The following OXR1 variants were observed in gnomAD, a reference collection of about 807,000 sequenced individuals.
OXR1 encodes oxidation resistance 1.
A neutral mutation model predicts 104.6 loss-of-function variants in OXR1; 41 were observed. The observed-to-expected ratio is 0.39, with a 90% CI of 0.31 to 0.51. OXR1 has a LOEUF of 0.51. Ranked by LOEUF, OXR1 falls within the 20% of genes least tolerant of loss-of-function variation. OXR1 has a pLI of 0.77. For missense variants in OXR1, 955 were observed against 1,031.9 expected, an observed-to-expected ratio of 0.93 and a Z score of 1.02; for synonymous variants, 348 against 348.4, an observed-to-expected ratio of 1.00 and a Z score of 0.01.
intron 16 of OXR1, among the ~76,000 whole-genome samples, chr8:106,750,324 C>T (rs1681906): frequency 0.43 from 59,674 of 138,088 alleles, 13,557 homozygotes; most frequent in Admixed American, 0.55. Flanking sequence ...CTTTTCTTTT[C>T]TTTTTTTTTT....
At chr8:106,728,969 A>G (rs1477373454) in intron 11 of OXR1, among the ~76,000 whole-genome samples, 1 of 152,162 alleles carries the variant, frequency 6.6e-6, no homozygotes, top group East Asian at 1.9e-4. Flanking sequence ...AAAAGTTTGT[A>G]TGTCGAATTG....
intron 3 of OXR1, among the ~76,000 whole-genome samples, chr8:106,534,649 A>G (rs1814346626): frequency 1.3e-5 from 2 of 152,214 alleles, no homozygotes; most frequent in African/African-American, 2.4e-5. Flanking sequence ...TCTATCAGTC[A>G]TTGGCTGTGT....
At chr8:106,612,035 G>C (rs2130802958) in intron 3 of OXR1, among the ~76,000 whole-genome samples, 1 of 152,080 alleles carries the variant, frequency 6.6e-6, no homozygotes, top group South Asian at 2.1e-4. Flanking sequence ...ATTTCCAAAA[G>C]GATAGCTTTG....
intron 2 of OXR1, among the ~76,000 whole-genome samples, chr8:106,476,712 G>C (rs1389878153): frequency 6.6e-6 from 1 of 151,936 alleles, no homozygotes; most frequent in Admixed American, 6.6e-5. Context: ...GTCAGCAGAA[G>C]CTGTTTCTCC....
chr8:106,533,976 G>A (rs1316752646), intron 3 of OXR1, among the ~76,000 whole-genome samples: 1 of 152,112 alleles, frequency 6.6e-6, no homozygotes, highest in Non-Finnish European at 1.5e-5. Flanking sequence ...GCCTCCCAAA[G>A]TGATAGGATT....
intron 2 of OXR1, among the ~76,000 whole-genome samples, chr8:106,405,811 T>A (rs768318422): frequency 2.6e-5 from 4 of 152,018 alleles, no homozygotes; most frequent in Admixed American, 6.6e-5. Context: ...ACCACCAAGA[T>A]GAGTTCAGCC....
At chr8:106,558,300 A>C (rs571864042) in intron 3 of OXR1, among the ~76,000 whole-genome samples, 1 of 152,338 alleles carries the variant, frequency 6.6e-6, no homozygotes, top group Admixed American at 6.5e-5. Flanking sequence ...TTAAAACAAC[A>C]ACCATTTATC....
At chr8:106,401,505 A>AT (rs1818000889) in intron 2 of OXR1, among the ~76,000 whole-genome samples, 1 of 151,784 alleles carries the variant, frequency 6.6e-6, no homozygotes, top group African/African-American at 2.4e-5. Context: ...CAGCTCTGAA[A>AT]TTTTAAGGGC....
intron 3 of OXR1, among the ~76,000 whole-genome samples, chr8:106,594,438 A>G (rs1478771093): frequency 6.6e-6 from 1 of 152,218 alleles, no homozygotes; most frequent in African/African-American, 2.4e-5. Flanking sequence ...TCTTTGTTAC[A>G]TGCAAGACTG....
intron 1 of OXR1, among the ~76,000 whole-genome samples, chr8:106,284,745 C>T (rs1812422350): frequency 6.6e-6 from 1 of 151,834 alleles, no homozygotes; most frequent in Admixed American, 6.6e-5. Flanking sequence ...TTGTCATTTG[C>T]CTTTGAAGAA....
intron 3 of OXR1, among the ~76,000 whole-genome samples, chr8:106,660,415 A>G (rs28921382): frequency 5.9e-4 from 90 of 152,264 alleles, no homozygotes; most frequent in African/African-American, 2.2e-3. Flanking sequence ...TAGCTGCTTA[A>G]GTTTCCTGCT....
At chr8:106,463,019 G>GGGTTTAAAATGATC (rs1820991281) in intron 2 of OXR1, among the ~76,000 whole-genome samples, 1 of 151,992 alleles carries the variant, frequency 6.6e-6, no homozygotes, top group Non-Finnish European at 1.5e-5. Flanking sequence ...GAGGTTCAGA[G>GGGTTTAAAATGATC]GGTTTAAAAT....
chr8:106,537,883 G>A (rs1814666880), intron 3 of OXR1, among the ~76,000 whole-genome samples: 1 of 151,968 alleles, frequency 6.6e-6, no homozygotes, highest in African/African-American at 2.4e-5. Flanking sequence ...AAGGAGAGAG[G>A]AAAAAGAGGG....
chr8:106,425,002 A>G (rs998378737), intron 2 of OXR1, among the ~76,000 whole-genome samples: 2 of 150,840 alleles, frequency 1.3e-5, no homozygotes, highest in Admixed American at 1.3e-4. Flanking sequence ...TTGAAGACTA[A>G]TTTGGGATTA....
Position 106,303,172 on chromosome 8 carries a change from A to C in OXR1, c.-139+32805A>C, listed in dbSNP as rs1477606723. Among the ~76,000 whole-genome samples, 4 of 151,120 alleles carry C rather than the reference A, an allele frequency of 2.6e-5. No homozygotes were observed. In the East Asian group the frequency reaches 7.8e-4, roughly 29 times the overall value. ...AATTTTTCTTTAACTTTTAGAAGGC[A>C]TGCATTTCACATACATACAGAATCA... is the stretch of plus-strand genomic sequence containing the variant. On this transcript the variant is annotated intron_variant, in intron 1 of 16. Coordinates refer to ENST00000517566, the MANE Select transcript of OXR1 (RefSeq NM_001198533.2).
chr8:106,726,152 T>C lies in OXR1; in HGVS notation c.1957-11368T>C, dbSNP rs2131491020. The C allele has an allele frequency of 4.8e-6, 7 of 1,461,406 alleles. No homozygotes were observed. In the South Asian group the frequency reaches 7.1e-5, roughly 15 times the overall value. The allele number at this position is 1,461,406 out of a possible 1,614,324, so 90.5% of individuals were successfully genotyped here. ...CTGTTTTGTCACTGTAGTAAGGCTCTAGTGCTGGAAATTTATCTTTGACAG... is the reference window on the plus strand; with the variant it reads ...CTGTTTTGTCACTGTAGTAAGGCTCCAGTGCTGGAAATTTATCTTTGACAG... On this transcript the variant is annotated intron_variant, in intron 11 of 16. Transcript: ENST00000517566.
At chr8:106,475,866 A>G (rs1821778045) in intron 2 of OXR1, among the ~76,000 whole-genome samples, 2 of 151,928 alleles carry the variant, frequency 1.3e-5, no homozygotes, top group African/African-American at 4.8e-5. Context: ...GATTCATCCC[A>G]TGAAACCCTT....
chr8:106,645,840 T>C (rs1326333018), intron 3 of OXR1, among the ~76,000 whole-genome samples: 2 of 152,124 alleles, frequency 1.3e-5, no homozygotes, highest in African/African-American at 2.4e-5. Context: ...GGCTGAAACA[T>C]TTGGACAATT....
intron 3 of OXR1, among the ~76,000 whole-genome samples, chr8:106,532,441 A>G (rs547550158): frequency 9.2e-5 from 14 of 152,340 alleles, no homozygotes; most frequent in African/African-American, 3.4e-4. Context: ...TCTGATTTTC[A>G]TGAAATTAAG....
Sources: allele counts gnomAD v4.1 joint callset (sites outside exome capture counted in the v4.1 genomes callset), GRCh38; gene constraint gnomAD v4.1.1; transcripts MANE v1.5; gene names NCBI Gene and HGNC (gene_info 2026-07-23, HGNC 2026-07-21).